Variants in PAK1 observed in about 807,000 individuals in gnomAD.
PAK1 encodes p21 (RAC1) activated kinase 1.
In PAK1, 29 loss-of-function variants were observed where a neutral mutation model predicts 67.4. That is an observed-to-expected ratio of 0.43 (90% CI 0.32 to 0.59). PAK1 has a LOEUF of 0.59. Ranked by LOEUF, PAK1 falls within the 20% of genes least tolerant of loss-of-function variation. PAK1 has a pLI of 0.07. For synonymous variants in PAK1, 223 were observed against 237.4 expected, an observed-to-expected ratio of 0.94 and a Z score of 0.56; for missense variants, 337 against 670.7, an observed-to-expected ratio of 0.50 and a Z score of 5.50.
chr11:77,465,293 A>G (rs913987658), intron 1 of PAK1, among the ~76,000 whole-genome samples: 4 of 152,206 alleles, frequency 2.6e-5, no homozygotes, highest in African/African-American at 9.6e-5. Flanking sequence ...TAAAGATTCC[A>G]GTTTGTAACT....
At chr11:77,514,454 C>CA in the PAK1 span, among the ~76,000 whole-genome samples, 2 of 152,140 alleles carry the variant, frequency 1.3e-5, no homozygotes, top group Admixed American at 6.5e-5. Context: ...GAGATCACAC[C>CA]ACCGCACACC....
chr11:77,357,135 T>C (rs913391056), intron 6 of PAK1, among the ~76,000 whole-genome samples: 1 of 152,238 alleles, frequency 6.6e-6, no homozygotes, highest in South Asian at 2.1e-4. Flanking sequence ...TCTACAAAGA[T>C]AGAGGATCAT....
chr11:77,332,592 G>A lies in PAK1; in HGVS notation c.1551+138C>T, dbSNP rs1052444671. 5.8e-6 allele frequency: 4 copies of A among 688,800 alleles called. No homozygotes were observed. In the African/African-American group the frequency reaches 7.1e-5, roughly 12 times the overall value. 42.7% of individuals were successfully genotyped at this position (688,800 alleles called of 1,614,324 possible). ...GCAAAGGCCCAGGGATAAAAGGGCAGTAGGAACAGAGTGAGTGTAGGAAGT... is the reference window on the plus strand; with the variant it reads ...GCAAAGGCCCAGGGATAAAAGGGCAATAGGAACAGAGTGAGTGTAGGAAGT... On this transcript the variant is annotated intron_variant, in intron 14 of 14. Coordinates refer to ENST00000356341, the MANE Select transcript of PAK1 (RefSeq NM_002576.5).
chr11:77,397,185 A>T (rs1250974821), intron 1 of PAK1: 1 of 152,274 alleles, frequency 6.6e-6, no homozygotes, highest in African/African-American at 2.4e-5. Flanking sequence ...TACAACAGAC[A>T]GAGAGAAAGA....
chr11:77,376,248 T>C (rs1205638720), intron 4 of PAK1, among the ~76,000 whole-genome samples: 1 of 152,090 alleles, frequency 6.6e-6, no homozygotes, highest in Non-Finnish European at 1.5e-5. Context: ...TATATCAAAA[T>C]CAAATTCCAA....
the PAK1 span, among the ~76,000 whole-genome samples, chr11:77,488,186 C>G: frequency 2.0e-5 from 3 of 152,208 alleles, no homozygotes; most frequent in Non-Finnish European, 4.4e-5. Context: ...GGCACTACCT[C>G]TATGAGTCTG....
intron 5 of PAK1, 90 bp from the exon 6 acceptor site, chr11:77,359,107 T>A: frequency 8.5e-7 from 1 of 1,175,272 alleles, no homozygotes; most frequent in Non-Finnish European, 1.2e-6. Flanking sequence ...AGAAACCCCA[T>A]CCTGATATCC....
At chr11:77,451,066 A>C (rs1305841823) in intron 1 of PAK1, among the ~76,000 whole-genome samples, 1 of 152,230 alleles carries the variant, frequency 6.6e-6, no homozygotes, top group Non-Finnish European at 1.5e-5. Flanking sequence ...CTTTAGGGAA[A>C]CCATTTGAGA....
chr11:77,373,964 T>C (rs1339746795), intron 5 of PAK1, among the ~76,000 whole-genome samples: 1 of 152,152 alleles, frequency 6.6e-6, no homozygotes, highest in Non-Finnish European at 1.5e-5. Context: ...ATGAAGAAAT[T>C]GAAGCTCAAA....
chr11:77,447,576 G>A (rs1956672594), intron 1 of PAK1, among the ~76,000 whole-genome samples: 1 of 151,800 alleles, frequency 6.6e-6, no homozygotes, highest in Non-Finnish European at 1.5e-5. Context: ...TCAGGCTGGA[G>A]TGCAGTGGCA....
At chr11:77,383,309 G>C (rs1352467991) in intron 2 of PAK1, among the ~76,000 whole-genome samples, 2 of 151,692 alleles carry the variant, frequency 1.3e-5, no homozygotes, top group Non-Finnish European at 2.9e-5. Context: ...GATTTAGCTT[G>C]GGTACTGTGT....
chr11:77,332,690 AT>A, intron 14 of PAK1, 39 bp downstream of exon 14: 1 of 1,580,844 alleles, frequency 6.3e-7, no homozygotes, highest in Non-Finnish European at 8.7e-7. Context: ...TGGTTTAGTG[AT>A]TCCCTGAATT....
At chr11:77,514,019 T>A in the PAK1 span, among the ~76,000 whole-genome samples, 1 of 151,996 alleles carries the variant, frequency 6.6e-6, no homozygotes, top group Non-Finnish European at 1.5e-5. Context: ...ATGATAAGAG[T>A]CATTATATAA....
At chr11:77,459,968 T>C (rs1957258407) in intron 1 of PAK1, among the ~76,000 whole-genome samples, 1 of 151,520 alleles carries the variant, frequency 6.6e-6, no homozygotes, top group Non-Finnish European at 1.5e-5. Flanking sequence ...AGTGCTGGGA[T>C]TACAGGCGTG....
At chr11:77,509,261 AAAAT>A in the PAK1 span, among the ~76,000 whole-genome samples, 1 of 151,604 alleles carries the variant, frequency 6.6e-6, no homozygotes. Context: ...CCACCTCAAA[AAAAT>A]AAATAAAATA....
chr11:77,462,946 G>A (rs543287000), intron 1 of PAK1, among the ~76,000 whole-genome samples: 150 of 134,326 alleles, frequency 1.1e-3, no homozygotes, highest in Middle Eastern at 4.0e-3. Flanking sequence ...TATAGGTTAG[G>A]CACTGGGGGA....
intron 5 of PAK1, among the ~76,000 whole-genome samples, chr11:77,365,644 C>A (rs1947453268): frequency 6.6e-6 from 1 of 151,950 alleles, no homozygotes; most frequent in African/African-American, 2.4e-5. Flanking sequence ...ACCAGCCTGG[C>A]CAATATGGTG....
intron 1 of PAK1, among the ~76,000 whole-genome samples, chr11:77,457,737 T>C (rs111873153): frequency 1.5e-4 from 23 of 152,292 alleles, no homozygotes; most frequent in African/African-American, 5.3e-4. Flanking sequence ...AGAATTACAA[T>C]GAGAATAACA....
intron 1 of PAK1, among the ~76,000 whole-genome samples, chr11:77,448,868 A>C (rs762205372): frequency 2.6e-5 from 4 of 152,252 alleles, no homozygotes; most frequent in Non-Finnish European, 5.9e-5. Context: ...GGAGAAGAAC[A>C]GTAATAAAAT....
Sources: gnomAD v4.1 joint callset for allele counts (sites outside exome capture counted in the v4.1 genomes callset) on GRCh38, gnomAD v4.1.1 for gene constraint, MANE v1.5 for transcripts, NCBI Gene and HGNC (gene_info 2026-07-23, HGNC 2026-07-21) for gene names.